The following COG2 variants were observed in gnomAD, a reference collection of about 807,000 sequenced individuals.
COG2 encodes the protein conserved oligomeric Golgi complex subunit 2.
Under a neutral mutation model 90.6 loss-of-function variants are expected in COG2, and 52 were observed. The observed-to-expected ratio is 0.57, with a 90% CI of 0.46 to 0.72. The LOEUF (loss-of-function observed/expected upper bound fraction) is 0.72. COG2 is among the 30% of genes least tolerant of loss of function. The probability of loss-of-function intolerance (pLI) is 0.00; values close to 1 mark genes in which losing one functional copy is unlikely to be tolerated. For missense variants in COG2, 829 were observed against 891.2 expected, an observed-to-expected ratio of 0.93 and a Z score of 0.89; for synonymous variants, 337 against 320.4, an observed-to-expected ratio of 1.05 and a Z score of -0.55.
At chr1:230,650,170 A>G (rs1283761526) in intron 1 of COG2, among the ~76,000 whole-genome samples, 8 of 152,236 alleles carry the variant, frequency 5.3e-5, no homozygotes, top group Non-Finnish European at 1.2e-4. Flanking sequence ...TAGGGCTTCA[A>G]TAAACATAGG....
Position 230,660,782 on chromosome 1 carries a change from C to G in COG2, c.259C>G (p.Gln87Glu). ...NLVGMDKALN[Q>E]LSVPLGQLRE... The stretch of plus-strand genomic sequence containing the variant: ...GGTTGGCATGGACAAAGCCCTCAAC[C>G]AGCTTTCTGTGCCTTTGGGACAATT... The change falls in exon 3 of 18, where the codon CAG (glutamine) becomes GAG (glutamate). Residue 87 changes from glutamine (Q) to glutamate (E), a missense_variant. Gln to Glu is a conservative substitution (Grantham distance 29, BLOSUM62 2). Transcript: ENST00000366669. The G allele has an allele frequency of 6.3e-7, 1 of 1,586,866 alleles. No individual in the cohort carries two copies. Among genetic ancestry groups the G allele is most frequent in the South Asian group, 1.2e-5 (1 of 86,604 alleles).
Position 230,664,487 on chromosome 1 carries a change from T to G in COG2, c.385T>G (p.Cys129Gly). ...KQEDIRKKKM[C>G]VLRLIQVIRS... ...TTTCCTTAATTTTTATTTATAGATG[T>G]GTGTATTGAGGCTTATACAAGTTAT... Residue 129 changes from cysteine to glycine, a missense_variant, in exon 5 of 18, where the codon TGT (cysteine) becomes GGT (glycine). By Grantham distance (159) the Cys-to-Gly change is radical (BLOSUM62 -3). Coordinates refer to ENST00000366669, the MANE Select transcript of COG2 (RefSeq NM_007357.3). 6.6e-6 allele frequency: 9 copies of G among 1,373,656 alleles called. No individual in the cohort carries two copies. The highest frequency in any genetic ancestry group is 9.0e-6 in the Non-Finnish European group (9 of 998,134). The allele number at this position is 1,373,656 out of a possible 1,614,324, so 85.1% of individuals were successfully genotyped here.
chr1:230,671,718 G>C lies in COG2; in HGVS notation c.899+78G>C, dbSNP rs916910434. ...TGCTAATTGCAGGTGCACGATGGAC[G>C]ATGACTGTCTTGTATGAACTGTCTT... On this transcript the variant is annotated intron_variant, in intron 8 of 17. Coordinates refer to ENST00000366669, the MANE Select transcript of COG2 (RefSeq NM_007357.3). 5 of 1,348,406 alleles carry C rather than the reference G, an allele frequency of 3.7e-6. No individual in the cohort carries two copies. In the African/African-American group the frequency reaches 4.4e-5, roughly 12 times the overall value. 83.5% of individuals were successfully genotyped at this position (1,348,406 alleles called of 1,614,324 possible). A position where few individuals can be genotyped will look rare whatever the true frequency, so the allele number is the denominator to read the frequency against.
chr1:230,677,796 T>C (rs1044831427), intron 9 of COG2, among the ~76,000 whole-genome samples: 1 of 152,224 alleles, frequency 6.6e-6, no homozygotes, highest in Non-Finnish European at 1.5e-5. Context: ...ATAGTATCCA[T>C]TTATTTCCAG....
intron 2 of COG2, among the ~76,000 whole-genome samples, chr1:230,659,995 T>TAGA (rs1299519441): frequency 6.6e-6 from 1 of 152,224 alleles, no homozygotes; most frequent in East Asian, 1.9e-4. Context: ...TTCAGATACA[T>TAGA]ACGCTAGCCA....
At chr1:230,651,593 T>C (rs898672226) in intron 1 of COG2, among the ~76,000 whole-genome samples, 39 of 152,344 alleles carry the variant, frequency 2.6e-4, no homozygotes, top group African/African-American at 8.9e-4. Flanking sequence ...CTTCCAGCTG[T>C]TTGGGGCATT....
chr1:230,655,143 AGTG>A (rs1444322217), intron 1 of COG2, among the ~76,000 whole-genome samples: 1 of 152,168 alleles, frequency 6.6e-6, no homozygotes, highest in Non-Finnish European at 1.5e-5. Flanking sequence ...GTTGAATAGA[AGTG>A]GTGAGAAGAG....
intron 3 of COG2, chr1:230,661,189 A>T (rs949689407): frequency 6.4e-6 from 1 of 156,312 alleles, no homozygotes; most frequent in African/African-American, 2.4e-5. Flanking sequence ...TTTTACAAAT[A>T]TTTTCCCAAA....
At chr1:230,684,301 C>G (rs1041209712) in intron 11 of COG2, 1 of 152,318 alleles carries the variant, frequency 6.6e-6, no homozygotes, top group African/African-American at 2.4e-5. Flanking sequence ...GCCTTCCTCC[C>G]AGGCTGAGGA....
At chr1:230,659,702 G>T (rs1662141594) in intron 2 of COG2, 77 bp downstream of exon 2, 2 of 1,461,720 alleles carry the variant, frequency 1.4e-6, no homozygotes, top group African/African-American at 2.8e-5. Context: ...GAAGTGTTGT[G>T]TGTTTTTAGA....
rs770981817 is a variant in COG2, at chr1:230,683,678, GTTCA to G, written c.1228+48_1228+51del. 3 of 1,255,372 alleles carry G rather than the reference GTTCA, an allele frequency of 2.4e-6. No individual in the cohort carries two copies. In the Admixed American group the frequency reaches 5.1e-5, roughly 21 times the overall value. 77.8% of individuals were successfully genotyped at this position (1,255,372 alleles called of 1,614,324 possible). ...ATAAGTGGCATGGTATCCTAAATGA[GTTCA>G]TTCAGTTCACCAAGTCATCTGGATT... On this transcript the variant is annotated intron_variant, in intron 11 of 17. Transcript: ENST00000366669.
chr1:230,662,948 C>T (rs1571949207), intron 3 of COG2, among the ~76,000 whole-genome samples, 193 bp from the exon 4 acceptor site: 1 of 152,068 alleles, frequency 6.6e-6, no homozygotes, highest in African/African-American at 2.4e-5. Context: ...TCTTGCATGA[C>T]CTTGGCTTTA....
At chr1:230,646,393 C>T (rs944088317) in intron 1 of COG2, among the ~76,000 whole-genome samples, 17 of 152,128 alleles carry the variant, frequency 1.1e-4, no homozygotes, top group African/African-American at 3.9e-4. Flanking sequence ...CTGGTGCTTT[C>T]TGGTTATCTT....
At chr1:230,680,069 G>A (rs1662703142) in intron 10 of COG2, 1 of 152,168 alleles carries the variant, frequency 6.6e-6, no homozygotes, top group Non-Finnish European at 1.5e-5. Flanking sequence ...TCATCATGTA[G>A]TTGGTCTCTC....
At chr1:230,648,187 T>G (rs1661835376) in intron 1 of COG2, among the ~76,000 whole-genome samples, 1 of 152,246 alleles carries the variant, frequency 6.6e-6, no homozygotes, top group Non-Finnish European at 1.5e-5. Flanking sequence ...GGGACAAGAT[T>G]GAGGGCCATC....
intron 9 of COG2, 31 bp downstream of exon 9, chr1:230,675,155 A>C: frequency 1.3e-6 from 2 of 1,598,144 alleles, no homozygotes; most frequent in Non-Finnish European, 1.7e-6. Flanking sequence ...TTGATTCTTG[A>C]AGATGTTAAC....
chr1:230,683,705 A>G, intron 11 of COG2, 70 bp downstream of exon 11: 1 of 994,058 alleles, frequency 1.0e-6, no homozygotes, highest in Non-Finnish European at 1.6e-6. Context: ...AGTCATCTGG[A>G]TTGCAGTATT....
chr1:230,667,622 C>T (rs961412908), intron 5 of COG2, among the ~76,000 whole-genome samples: 11 of 152,132 alleles, frequency 7.2e-5, no homozygotes, highest in South Asian at 4.1e-4. Context: ...TTAATTCACA[C>T]GAGATTATTC....
intron 9 of COG2, among the ~76,000 whole-genome samples, chr1:230,675,818 C>CTTTTCT (rs1404962327): frequency 1.3e-5 from 2 of 151,768 alleles, no homozygotes; most frequent in African/African-American, 2.4e-5. Context: ...GTCAATTTTT[C>CTTTTCT]TTTTCTTTTT....
Sources: gnomAD v4.1 joint callset for allele counts (sites outside exome capture counted in the v4.1 genomes callset) on GRCh38, gnomAD v4.1.1 for gene constraint, MANE v1.5 for transcripts, NCBI Gene and HGNC (gene_info 2026-07-23, HGNC 2026-07-21) for gene names.